PLEKHA7: variants seen among roughly 807,000 people sequenced by gnomAD.
The protein encoded by PLEKHA7 is pleckstrin homology domain-containing family A member 7.
In PLEKHA7, 104 loss-of-function variants were observed where a neutral mutation model predicts 170.0. The ratio of observed to expected loss-of-function variants is 0.61; its 90% CI spans 0.52 to 0.72. The LOEUF is 0.72. PLEKHA7 is among the 30% of genes least tolerant of loss of function. PLEKHA7 has a pLI of 0.00. For synonymous variants in PLEKHA7, 648 were observed against 660.8 expected, an observed-to-expected ratio of 0.98 and a Z score of 0.30; for missense variants, 1,615 against 1,671.7, an observed-to-expected ratio of 0.97 and a Z score of 0.59.
At position 17,014,331 on chromosome 11, in the gene PLEKHA7, CG is replaced by C; in HGVS notation, c.70del (p.Arg24AlafsTer28). ...CGCGCCGCACTTGATGAAGAAGACG[CG>C]GCCATCCCGGCACACCCCGTAGGAC... is the stretch of plus-strand genomic sequence containing the variant. ...HWSYGVCRDG[R>X]VFFINDQLRC... On this transcript the variant is annotated frameshift_variant, in exon 1 of 27. Transcript: ENST00000531066. LOFTEE classifies it high-confidence loss of function. 1 of 1,447,266 alleles carries C rather than the reference CG, an allele frequency of 6.9e-7. No individual in the cohort carries two copies. Among genetic ancestry groups the C allele is most frequent in the East Asian group, 3.1e-5 (1 of 31,972 alleles). 89.7% of individuals were successfully genotyped at this position (1,447,266 alleles called of 1,614,324 possible).
chr11:16,993,672 C>A (rs536572031), intron 3 of PLEKHA7, among the ~76,000 whole-genome samples: 1 of 152,202 alleles, frequency 6.6e-6, no homozygotes, highest in Non-Finnish European at 1.5e-5. Flanking sequence ...ACTTGACATG[C>A]TTGCAAACAT....
intron 9 of PLEKHA7, among the ~76,000 whole-genome samples, chr11:16,828,987 C>G (rs1469621085): frequency 2.0e-5 from 3 of 152,042 alleles, no homozygotes; most frequent in Non-Finnish European, 4.4e-5. Flanking sequence ...TTTGGATTTT[C>G]TGGTTGTGAA....
At chr11:16,973,200 C>T (rs1862833850) in intron 3 of PLEKHA7, among the ~76,000 whole-genome samples, 1 of 152,306 alleles carries the variant, frequency 6.6e-6, no homozygotes, top group East Asian at 1.9e-4. Context: ...CTTGCCAAGC[C>T]CCAGATCAGC....
At chr11:17,004,110 G>A (rs776986142) in intron 3 of PLEKHA7, among the ~76,000 whole-genome samples, 15 of 152,304 alleles carry the variant, frequency 9.8e-5, no homozygotes, top group Middle Eastern at 3.4e-3. Context: ...CCGAAGAATT[G>A]ATTTGAAAGG....
chr11:16,995,425 T>C (rs1328122138), intron 3 of PLEKHA7, among the ~76,000 whole-genome samples: 1 of 152,042 alleles, frequency 6.6e-6, no homozygotes, highest in African/African-American at 2.4e-5. Flanking sequence ...ACCCACACTG[T>C]CTCTCGTCCC....
chr11:16,851,197 G>A lies in PLEKHA7; in HGVS notation c.690C>T (p.Ser230=). The change falls in exon 8 of 27, where the codon TCC becomes TCT. Residue 230 remains serine (S), a synonymous_variant. Coordinates refer to ENST00000531066, the MANE Select transcript of PLEKHA7 (RefSeq NM_001329630.2). ...APEDRISRKY[S]FKAVHTGMRA... is the part of the protein sequence containing the mutation. ...AGAGGTGCAGGGGCAGTACCTTAAA[G>A]GAATATTTGCGGCTTATGCGATCCT... 3 of 1,606,014 alleles carry A rather than the reference G, an allele frequency of 1.9e-6. No individual in the cohort carries two copies. The African/African-American group carries it at 4.0e-5, about 21-fold the overall frequency.
chr11:16,887,313 C>A (rs1396064178), intron 3 of PLEKHA7, among the ~76,000 whole-genome samples: 1 of 143,522 alleles, frequency 7.0e-6, no homozygotes. Context: ...CTCTCCCTCT[C>A]CCTCTCCCTC....
Position 16,826,358 on chromosome 11 carries a change from C to T in PLEKHA7, c.1105G>A (p.Glu369Lys), listed in dbSNP as rs372267404. 127 of 1,614,136 alleles carry T rather than the reference C, an allele frequency of 7.9e-5. No homozygotes were observed. Among genetic ancestry groups the T allele is most frequent in the Middle Eastern group, 1.6e-4 (1 of 6,084 alleles). The change falls in exon 10 of 27, where the codon GAG becomes AAG. Residue 369 changes from glutamate to lysine, a missense_variant. Coordinates refer to ENST00000531066, the MANE Select transcript of PLEKHA7 (RefSeq NM_001329630.2). Reference protein sequence around the residue: ...SKARSPYSPAEEDALFMDLPT... With the variant: ...SKARSPYSPAKEDALFMDLPT... ...AAATCCATAAACAAGGCATCCTCCTCGGCTGGCGAGTACGGAGACCTGGCC... is the reference window on the plus strand; with the variant it reads ...AAATCCATAAACAAGGCATCCTCCTTGGCTGGCGAGTACGGAGACCTGGCC...
At chr11:16,881,381 T>G (rs1360033933) in intron 3 of PLEKHA7, 3 of 152,224 alleles carry the variant, frequency 2.0e-5, no homozygotes, top group African/African-American at 7.2e-5. Flanking sequence ...ACTCCCAGCC[T>G]GCCTGCTGTC....
intron 12 of PLEKHA7, 34 bp downstream of exon 12, chr11:16,816,144 G>A: frequency 6.5e-7 from 1 of 1,539,184 alleles, no homozygotes; most frequent in Non-Finnish European, 9.0e-7. Flanking sequence ...GATGAGATAG[G>A]GCTTTGCAGG....
At chr11:16,799,643 A>C (rs1848457451) in intron 17 of PLEKHA7, among the ~76,000 whole-genome samples, 1 of 152,208 alleles carries the variant, frequency 6.6e-6, no homozygotes, top group South Asian at 2.1e-4. Context: ...AGTTTTATAA[A>C]CTCATAACCA....
intron 3 of PLEKHA7, among the ~76,000 whole-genome samples, chr11:17,005,393 G>A (rs185940745): frequency 1.1e-4 from 16 of 152,160 alleles, no homozygotes; most frequent in Admixed American, 4.6e-4. Flanking sequence ...TTAGCCAGGC[G>A]TGGTGGTGGG....
intron 3 of PLEKHA7, among the ~76,000 whole-genome samples, chr11:16,877,232 G>A (rs1308727703): frequency 8.3e-6 from 1 of 120,972 alleles, no homozygotes; most frequent in Non-Finnish European, 2.0e-5. Context: ...ACTGCCCCCA[G>A]GCTTGTAAAG....
chr11:17,000,039 G>A (rs1295303153), intron 3 of PLEKHA7, among the ~76,000 whole-genome samples: 1 of 152,166 alleles, frequency 6.6e-6, no homozygotes, highest in Admixed American at 6.5e-5. Context: ...TGGACAGGGA[G>A]TATAAATCAA....
chr11:16,872,144 T>C (rs1854911034), intron 3 of PLEKHA7, among the ~76,000 whole-genome samples: 1 of 152,064 alleles, frequency 6.6e-6, no homozygotes. Flanking sequence ...TATTTTTGTA[T>C]TTTTAGTAGA....
rs532177501 is a variant in PLEKHA7 at position 16,817,139 on chromosome 11, A to G, written c.1527T>C (p.Ser509=). 72 of 1,614,100 alleles carry G rather than the reference A, an allele frequency of 4.5e-5. 1 individual carries two copies. In the South Asian group the frequency reaches 7.7e-4, roughly 17 times the overall value. Reference sequence around the variant, plus strand: ...CATCCCGGTGCGCCCGGCGCTCTTCACTCGACATCTTCAGGTGGCTGGCTC... The same window carrying G: ...CATCCCGGTGCGCCCGGCGCTCTTCGCTCGACATCTTCAGGTGGCTGGCTC... ...QDRASHLKMS[S]EERRAHRDGT... Residue 509 remains serine (S), a synonymous_variant, in exon 11 of 27, where the codon AGT becomes AGC. Transcript: ENST00000531066. This position sits in a 1 kb window ranked among gnomAD's most constrained non-coding sequence, Gnocchi z 4.4.
chr11:16,971,162 A>C (rs561240069), intron 3 of PLEKHA7, among the ~76,000 whole-genome samples: 1 of 152,368 alleles, frequency 6.6e-6, no homozygotes, highest in East Asian at 1.9e-4. Context: ...CAAAAGACCC[A>C]GATCTAAAAT....
intron 15 of PLEKHA7, among the ~76,000 whole-genome samples, chr11:16,802,630 C>T (rs943255935): frequency 3.9e-5 from 6 of 152,104 alleles, no homozygotes; most frequent in East Asian, 1.9e-4. Flanking sequence ...TCACTGCAAC[C>T]TCTGCCTCCC....
chr11:16,887,457 T>A (rs896790997), intron 3 of PLEKHA7, among the ~76,000 whole-genome samples: 3 of 152,098 alleles, frequency 2.0e-5, no homozygotes, highest in African/African-American at 7.2e-5. Context: ...GAAGCTGGAC[T>A]GTACTGCCGC....
Sources: allele counts gnomAD v4.1 joint callset (sites outside exome capture counted in the v4.1 genomes callset), GRCh38; gene constraint gnomAD v4.1.1; non-coding constraint Gnocchi (gnomAD v3.1); transcripts MANE v1.5; gene names NCBI Gene and HGNC (gene_info 2026-07-23, HGNC 2026-07-21).